POC1B: variants seen among roughly 807,000 people sequenced by gnomAD.
POC1B encodes POC1 centriolar protein B.
A neutral mutation model predicts 60.6 loss-of-function variants in POC1B; 44 were observed. The observed-to-expected ratio is 0.73, with a 90% CI of 0.57 to 0.93. The LOEUF is 0.93. POC1B is among the 40% of genes least tolerant of loss of function. POC1B has a pLI of 0.00. For synonymous variants in POC1B, 180 were observed against 198.9 expected, an observed-to-expected ratio of 0.90 and a Z score of 0.80; for missense variants, 555 against 572.3, an observed-to-expected ratio of 0.97 and a Z score of 0.31.
intron 3 of POC1B, among the ~76,000 whole-genome samples, 177 bp from the exon 4 acceptor site, chr12:89,492,292 T>C (rs1056723136): frequency 3.3e-5 from 5 of 152,144 alleles, no homozygotes; most frequent in Non-Finnish European, 7.4e-5. Context: ...AACACTGAAA[T>C]TTCCATGAAA....
At chr12:89,432,666 A>C (rs1313756086) in intron 10 of POC1B, among the ~76,000 whole-genome samples, 1 of 152,208 alleles carries the variant, frequency 6.6e-6, no homozygotes, top group Non-Finnish European at 1.5e-5. Flanking sequence ...GTGCTGTGTT[A>C]TGATGTAGCT....
chr12:89,524,917 T>A (rs1034776778), intron 2 of POC1B: 104 of 827,348 alleles, frequency 1.3e-4, no homozygotes, highest in Middle Eastern at 3.6e-4. Context: ...TAGGAGGCTC[T>A]TGGCCGGGCC....
rs968548788 is a variant in POC1B, at chr12:89,508,680, C to T, written c.101-11338G>A. The stretch of plus-strand genomic sequence containing the variant: ...CGAAAATCTCATCTTGAATTGTAAT[C>T]CGAATTATAATCCATGTGTTGGGGG... On this transcript the variant is annotated intron_variant, in intron 2 of 11. Transcript: ENST00000313546. Among the ~76,000 whole-genome samples, 5 of 152,200 alleles carry T rather than the reference C, an allele frequency of 3.3e-5. No homozygotes were observed. The South Asian group carries it at 8.3e-4, about 25-fold the overall frequency.
At chr12:89,456,008 TG>T (rs1378554312) in intron 10 of POC1B, among the ~76,000 whole-genome samples, 29 of 144,642 alleles carry the variant, frequency 2.0e-4, no homozygotes, top group African/African-American at 7.6e-4. Context: ...AACTCTTTTT[TG>T]TTGTTGTTGT....
Position 89,466,800 on chromosome 12 carries a change from A to T in POC1B, c.1002T>A (p.His334Gln), listed in dbSNP as rs1440266084. ...HLLDIYPRTP[H>Q]PHEEKVETVE... is the part of the protein sequence containing the mutation. Reference sequence around the variant, plus strand: ...CAGTCTCAACTTTTTCCTCATGGGGATGTGGTGTTCTTGGGTAGATATCAA... The same window carrying T: ...CAGTCTCAACTTTTTCCTCATGGGGTTGTGGTGTTCTTGGGTAGATATCAA... The change falls in exon 9 of 12, where the codon CAT becomes CAA. Residue 334 changes from histidine to glutamine, a missense_variant. By Grantham distance (24) the His-to-Gln change is conservative. Coordinates refer to ENST00000313546, the MANE Select transcript of POC1B (RefSeq NM_172240.3). The T allele has an allele frequency of 6.2e-7, 1 of 1,612,808 alleles. No homozygotes were observed. The highest frequency in any genetic ancestry group is 2.2e-5 in the East Asian group (1 of 44,780).
chr12:89,405,899 T>C, the POC1B span, among the ~76,000 whole-genome samples: 12 of 151,146 alleles, frequency 7.9e-5, 1 homozygote, highest in South Asian at 2.3e-3. Flanking sequence ...TTTGAGGGTG[T>C]AGTGAAATAT....
chr12:89,424,751 C>T (rs1880686505), intron 11 of POC1B, among the ~76,000 whole-genome samples: 1 of 152,134 alleles, frequency 6.6e-6, no homozygotes, highest in South Asian at 2.1e-4. Context: ...CATGGGAATG[C>T]AAAACCATCA....
chr12:89,523,635 T>A, intron 2 of POC1B: 2 of 1,540,826 alleles, frequency 1.3e-6, no homozygotes, highest in Non-Finnish European at 1.7e-6. Flanking sequence ...TGGTAGGTGA[T>A]CTGATGGGGT....
chr12:89,428,758 A>G (rs112370308), intron 10 of POC1B: 2,929 of 152,182 alleles, frequency 0.019, 69 homozygotes, highest in Middle Eastern at 0.058. Flanking sequence ...GGGTTTCACC[A>G]TGTTAGCCAG....
chr12:89,476,721 G>A (rs979972799), intron 4 of POC1B, among the ~76,000 whole-genome samples: 2 of 115,524 alleles, frequency 1.7e-5, no homozygotes, highest in Admixed American at 1.8e-4. Flanking sequence ...TAGATAGATA[G>A]ATAGATAGAT....
intron 2 of POC1B, among the ~76,000 whole-genome samples, chr12:89,511,446 A>G (rs1870183061): frequency 6.6e-6 from 1 of 152,084 alleles, no homozygotes; most frequent in Non-Finnish European, 1.5e-5. Flanking sequence ...CTGATAATTC[A>G]GATTACCTTC....
At chr12:89,462,770 T>C (rs1882527187) in intron 9 of POC1B, among the ~76,000 whole-genome samples, 1 of 152,212 alleles carries the variant, frequency 6.6e-6, no homozygotes, top group African/African-American at 2.4e-5. Context: ...TTAACTAACA[T>C]AGACCTCAAT....
At chr12:89,453,432 A>G (rs1341692068) in intron 10 of POC1B, among the ~76,000 whole-genome samples, 1 of 152,184 alleles carries the variant, frequency 6.6e-6, no homozygotes, top group African/African-American at 2.4e-5. Flanking sequence ...ATTTCCTTTC[A>G]TACCCTTAGA....
At chr12:89,523,935 C>T (rs1262555142) in intron 2 of POC1B, 2 of 1,612,476 alleles carry the variant, frequency 1.2e-6, no homozygotes, top group Non-Finnish European at 1.7e-6. Flanking sequence ...TAACCAGCCC[C>T]TCTCGCTTAT....
chr12:89,504,091 C>G (rs1176095275), intron 2 of POC1B, among the ~76,000 whole-genome samples: 1 of 137,794 alleles, frequency 7.3e-6, no homozygotes, highest in African/African-American at 2.7e-5. Flanking sequence ...CGGCCACCAC[C>G]CCATCTGGGA....
intron 2 of POC1B, among the ~76,000 whole-genome samples, chr12:89,512,037 G>A (rs112331025): frequency 1.3e-5 from 2 of 152,176 alleles, no homozygotes; most frequent in South Asian, 4.1e-4. Context: ...GTGGGTGACA[G>A]AGTAAGACTG....
intron 3 of POC1B, among the ~76,000 whole-genome samples, chr12:89,495,321 T>C (rs1376801250): frequency 7.9e-5 from 12 of 152,254 alleles, no homozygotes; most frequent in Non-Finnish European, 1.5e-4. Flanking sequence ...TTTTGGAACA[T>C]GCTTCTCCTC....
intron 4 of POC1B, among the ~76,000 whole-genome samples, chr12:89,487,144 G>A (rs1412093679): frequency 3.3e-5 from 5 of 152,094 alleles, no homozygotes; most frequent in Non-Finnish European, 5.9e-5. Flanking sequence ...AAGAGGAAAG[G>A]CCCATGGTTC....
At position 89,472,250 on chromosome 12, in the gene POC1B, C is replaced by T; in HGVS notation, c.478G>A (p.Val160Met). Reference sequence around the variant, plus strand: ...ATAGTTTTATCCTCACTACATGACACAATTAGTCTTCCATCGGGTGAAAAT... The same window carrying T: ...ATAGTTTTATCCTCACTACATGACATAATTAGTCTTCCATCGGGTGAAAAT... ...AKFSPDGRLI[V>M]SCSEDKTIKI... is the part of the protein sequence containing the mutation. Residue 160 changes from valine to methionine, a missense_variant, in exon 5 of 12, where the codon GTG becomes ATG. Coordinates refer to ENST00000313546, the MANE Select transcript of POC1B (RefSeq NM_172240.3). The T allele has an allele frequency of 6.2e-7, 1 of 1,604,406 alleles. No homozygotes were observed. Among genetic ancestry groups the T allele is most frequent in the Non-Finnish European group, 8.5e-7 (1 of 1,173,788 alleles).
Sources: allele counts gnomAD v4.1 joint callset (sites outside exome capture counted in the v4.1 genomes callset), GRCh38; gene constraint gnomAD v4.1.1; transcripts MANE v1.5; gene names NCBI Gene and HGNC (gene_info 2026-07-23, HGNC 2026-07-21).